The following C14orf119 variants were observed in gnomAD, a reference collection of about 807,000 sequenced individuals.
C14orf119 encodes the protein uncharacterized protein C14orf119.
Under a neutral mutation model 13.5 loss-of-function variants are expected in C14orf119, and 17 were observed. That is an observed-to-expected ratio of 1.26 (90% CI 0.86 to 1.88). The LOEUF is 1.88. C14orf119 is among the 40% of genes most tolerant of loss of function. The pLI, the probability that C14orf119 is intolerant of heterozygous loss-of-function variation, is 0.00. For synonymous variants in C14orf119, 61 were observed against 61.9 expected (o/e 0.99, Z 0.07); for missense variants, 162 against 165.9 (o/e 0.98, Z 0.13).
chr14:23,096,115 G>A (rs556841468), intron 1 of C14orf119, among the ~76,000 whole-genome samples: 2 of 152,284 alleles, frequency 1.3e-5, no homozygotes, highest in South Asian at 2.1e-4. Context: ...AGTAAAATAG[G>A]TCACAGACAA....
chr14:23,096,561 TAA>T (rs10583299), intron 1 of C14orf119, among the ~76,000 whole-genome samples: 5 of 119,404 alleles, frequency 4.2e-5, no homozygotes, highest in East Asian at 2.5e-4. Flanking sequence ...GATACCATAC[TAA>T]AAAAAAAAAA....
rs1241725022 is a variant in C14orf119 at position 23,098,195 on chromosome 14, G to A, written c.*114G>A. Reference sequence around the variant, plus strand: ...TCTGGAACTGGTATTCCAACCAGCTGACCGAACTCACTGACCAGTACAGGC... The same window carrying A: ...TCTGGAACTGGTATTCCAACCAGCTAACCGAACTCACTGACCAGTACAGGC... On this transcript the variant is annotated 3_prime_UTR_variant, in exon 2 of 2. Coordinates refer to ENST00000319074, the MANE Select transcript of C14orf119 (RefSeq NM_017924.4). The A allele has an allele frequency of 1.7e-6, 2 of 1,155,754 alleles. No homozygotes were observed. The highest frequency in any genetic ancestry group is 2.5e-6 in the Non-Finnish European group (2 of 808,374). The allele number at this position is 1,155,754 out of a possible 1,614,324, so 71.6% of individuals were successfully genotyped here.
rs909405676 is a variant in C14orf119 at position 23,100,429 on chromosome 14, G to GA, written c.*2349dup. On this transcript the variant is annotated 3_prime_UTR_variant, in exon 2 of 2. Transcript: ENST00000319074. ...TGTCTAGGACAATATACACGTGAGT[G>GA]AGTGCTTAATAAATTTAATTTCAAA... 7.3e-5 allele frequency: 30 copies of GA among 412,810 alleles called. No individual in the cohort carries two copies. Among genetic ancestry groups the GA allele is most frequent in the African/African-American group, 5.7e-4 (28 of 48,744 alleles). 25.6% of individuals were successfully genotyped at this position (412,810 alleles called of 1,614,324 possible).
rs191688888 is a variant in C14orf119 at position 23,099,416 on chromosome 14, G to A, written c.*1335G>A. 16 of 413,492 alleles carry A rather than the reference G, an allele frequency of 3.9e-5. No homozygotes were observed. The highest frequency in any genetic ancestry group is 6.6e-5 in the Non-Finnish European group (15 of 226,174). 25.6% of individuals were successfully genotyped at this position (413,492 alleles called of 1,614,324 possible). A position where few individuals can be genotyped will look rare whatever the true frequency, so the allele number is the denominator to read the frequency against. On this transcript the variant is annotated 3_prime_UTR_variant, in exon 2 of 2. Transcript: ENST00000319074. Reference sequence around the variant, plus strand: ...GTTCCCATTACACCCACCAGGATTAGCAGCATTAGGCAGAGTCCCATGGAC... The same window carrying A: ...GTTCCCATTACACCCACCAGGATTAACAGCATTAGGCAGAGTCCCATGGAC...
chr14:23,096,151 T>G (rs1336336627), intron 1 of C14orf119, among the ~76,000 whole-genome samples: 1 of 152,170 alleles, frequency 6.6e-6, no homozygotes, highest in Admixed American at 6.5e-5. Context: ...AAGAGATACG[T>G]TAGAGATTTA....
chr14:23,096,508 C>CAAAAAAAAAAAAA (rs61586635), intron 1 of C14orf119, among the ~76,000 whole-genome samples: 5 of 62,660 alleles, frequency 8.0e-5, no homozygotes, highest in Admixed American at 4.3e-4. Flanking sequence ...GACTCCGTCT[C>CAAAAAAAAAAAAA]AAAAAAAAAA....
rs1429329050 is a variant in C14orf119 at position 23,098,165 on chromosome 14, A to C, written c.*84A>C. 2.1e-6 allele frequency: 3 copies of C among 1,453,198 alleles called. No individual in the cohort carries two copies. The highest frequency in any genetic ancestry group is 2.8e-6 in the Non-Finnish European group (3 of 1,062,494). 90.0% of individuals were successfully genotyped at this position (1,453,198 alleles called of 1,614,324 possible). On this transcript the variant is annotated 3_prime_UTR_variant, in exon 2 of 2. Coordinates refer to ENST00000319074, the MANE Select transcript of C14orf119 (RefSeq NM_017924.4). Reference sequence around the variant, plus strand: ...ATAACTCAATTCAAATGTGTCGCCTAAAGCTCTGGAACTGGTATTCCAACC... The same window carrying C: ...ATAACTCAATTCAAATGTGTCGCCTCAAGCTCTGGAACTGGTATTCCAACC...
chr14:23,096,149 C>A (rs771184996), intron 1 of C14orf119, among the ~76,000 whole-genome samples: 2 of 152,206 alleles, frequency 1.3e-5, no homozygotes, highest in Non-Finnish European at 2.9e-5. Flanking sequence ...TTAAGAGATA[C>A]GTTAGAGATT....
At chr14:23,097,581 T>G in intron 1 of C14orf119, 77 bp from the exon 2 acceptor site, 1 of 1,318,488 alleles carries the variant, frequency 7.6e-7, no homozygotes, top group South Asian at 1.3e-5. Context: ...TTGAGTGTGG[T>G]AAGATGTCTT....
chr14:23,097,851 G>A lies in C14orf119; in HGVS notation c.193G>A (p.Ala65Thr). Residue 65 changes from alanine to threonine, a missense_variant, in exon 2 of 2, where the codon GCA (alanine) becomes ACA (threonine). Physicochemically the swap from Ala to Thr is moderately conservative, Grantham distance 58. Coordinates refer to ENST00000319074, the MANE Select transcript of C14orf119 (RefSeq NM_017924.4). Reference sequence around the variant, plus strand: ...TTTCCTAGAGGACCTGGTAGCTAAGGCAGTGCCAGAAAAATTACAACCACT... The same window carrying A: ...TTTCCTAGAGGACCTGGTAGCTAAGACAGTGCCAGAAAAATTACAACCACT... Reference protein sequence around the residue: ...ERFLEDLVAKAVPEKLQPLLD... With the variant: ...ERFLEDLVAKTVPEKLQPLLD... The A allele has an allele frequency of 1.9e-6, 3 of 1,614,238 alleles. No individual in the cohort carries two copies. Among genetic ancestry groups the A allele is most frequent in the Admixed American group, 1.7e-5 (1 of 60,028 alleles).
chr14:23,096,595 A>C, intron 1 of C14orf119, among the ~76,000 whole-genome samples: 3 of 140,304 alleles, frequency 2.1e-5, no homozygotes, highest in Non-Finnish European at 3.1e-5. Flanking sequence ...TTGTCACTCC[A>C]CTCTGGGTCC....
In C14orf119 at chr14:23,100,452, A is replaced by G. The variant is rs1270613114; in HGVS notation, c.*2371A>G. Reference sequence around the variant, plus strand: ...GTGAGTGCTTAATAAATTTAATTTCAAACATCCGGACTCCATGGATTTGAA... The same window carrying G: ...GTGAGTGCTTAATAAATTTAATTTCGAACATCCGGACTCCATGGATTTGAA... On this transcript the variant is annotated 3_prime_UTR_variant, in exon 2 of 2. Coordinates refer to ENST00000319074, the MANE Select transcript of C14orf119 (RefSeq NM_017924.4). The G allele has an allele frequency of 4.8e-6, 2 of 413,224 alleles. No homozygotes were observed. The highest frequency in any genetic ancestry group is 8.8e-6 in the Non-Finnish European group (2 of 226,152). 25.6% of individuals were successfully genotyped at this position (413,224 alleles called of 1,614,324 possible).
chr14:23,098,065 C>T lies in C14orf119; in HGVS notation c.407C>T (p.Thr136Ile). 2 of 1,613,828 alleles carry T rather than the reference C, an allele frequency of 1.2e-6. No homozygotes were observed. The highest frequency in any genetic ancestry group is 1.7e-6 in the Non-Finnish European group (2 of 1,179,956). The change falls in exon 2 of 2, where the codon ACA becomes ATA. Residue 136 changes from threonine to isoleucine, a missense_variant. By Grantham distance (89) the Thr-to-Ile change is moderately conservative. Transcript: ENST00000319074. Reference sequence around the variant, plus strand: ...AAGTTTTACCAAGCAGTGGCTGCTACAGCTGGTAAGGACTGATAGGCATTC... The same window carrying T: ...AAGTTTTACCAAGCAGTGGCTGCTATAGCTGGTAAGGACTGATAGGCATTC... ...VAKFYQAVAA[T>I]AGKD
At position 23,100,356 on chromosome 14, in the gene C14orf119, G is replaced by A. The variant is rs1228751001; in HGVS notation, c.*2275G>A. The stretch of plus-strand genomic sequence containing the variant: ...TGGGAGGAGGGAGTCAGGTAGTGAC[G>A]GGACTGGATGATCGTGTTAGGGATC... On this transcript the variant is annotated 3_prime_UTR_variant, in exon 2 of 2. Coordinates refer to ENST00000319074, the MANE Select transcript of C14orf119 (RefSeq NM_017924.4). 4 of 410,782 alleles carry A rather than the reference G, an allele frequency of 9.7e-6. No homozygotes were observed. The highest frequency in any genetic ancestry group is 7.1e-5 in the East Asian group (2 of 27,986). 25.4% of individuals were successfully genotyped at this position (410,782 alleles called of 1,614,324 possible). A position where few individuals can be genotyped will look rare whatever the true frequency, so the allele number is the denominator to read the frequency against.
intron 1 of C14orf119, 109 bp from the exon 2 acceptor site, chr14:23,097,549 T>C: frequency 1.0e-6 from 1 of 983,774 alleles, no homozygotes; most frequent in Non-Finnish European, 1.5e-6. Flanking sequence ...TCATAAAAAG[T>C]AATTTTCTCT....
Position 23,096,561 on chromosome 14 carries a change from TA to T in C14orf119, c.-2+957del, listed in dbSNP as rs10583299. Among the ~76,000 whole-genome samples, 875 of 119,346 alleles carry T rather than the reference TA, an allele frequency of 7.3e-3. 10 individuals are homozygous for T. Among genetic ancestry groups the T allele is most frequent in the African/African-American group, 0.018 (582 of 31,554 alleles). 78.3% of individuals were successfully genotyped at this position (119,346 alleles called of 152,430 possible). A position where few individuals can be genotyped will look rare whatever the true frequency, so the allele number is the denominator to read the frequency against. The stretch of plus-strand genomic sequence containing the variant: ...TGCAAGGCACCAATAGATACCATAC[TA>T]AAAAAAAAAAAAAATTTTTTTTTTG... On this transcript the variant is annotated intron_variant, in intron 1 of 1. Transcript: ENST00000319074.
Position 23,098,708 on chromosome 14 carries a change from G to C in C14orf119, c.*627G>C, listed in dbSNP as rs2048406065. ...GGTTGTCACTTAAGTTTGGAGTGCAGTGGCATGATCATCAGTGAGCGTGAG... is the reference window on the plus strand; with the variant it reads ...GGTTGTCACTTAAGTTTGGAGTGCACTGGCATGATCATCAGTGAGCGTGAG... On this transcript the variant is annotated 3_prime_UTR_variant, in exon 2 of 2. Coordinates refer to ENST00000319074, the MANE Select transcript of C14orf119 (RefSeq NM_017924.4). The C allele has an allele frequency of 6.0e-6, 1 of 167,898 alleles. No individual in the cohort carries two copies. The highest frequency in any genetic ancestry group is 1.4e-5 in the Non-Finnish European group (1 of 69,176). 10.4% of individuals were successfully genotyped at this position (167,898 alleles called of 1,614,324 possible).
chr14:23,095,693 C>G (rs2048359073), intron 1 of C14orf119, 74 bp downstream of exon 1: 1 of 177,596 alleles, frequency 5.6e-6, no homozygotes, highest in Non-Finnish European at 1.2e-5. Context: ...AGGGCAAGCC[C>G]CCCACTCCTT....
At position 23,097,890 on chromosome 14, in the gene C14orf119, G is replaced by A. The variant is rs534142468; in HGVS notation, c.232G>A (p.Glu78Lys). 9.9e-6 allele frequency: 16 copies of A among 1,614,160 alleles called. No individual in the cohort carries two copies. The East Asian group carries it at 2.7e-4, about 27-fold the overall frequency. The change falls in exon 2 of 2, where the codon GAG becomes AAG. Residue 78 changes from glutamate to lysine, a missense_variant. Physicochemically the swap from Glu to Lys is moderately conservative, Grantham distance 56. Transcript: ENST00000319074. ...EKLQPLLDSL[E>K]QLSVSGADRP... ...ATTACAACCACTGCTGGATAGTCTG[G>A]AGCAGCTTAGTGTGTCTGGGGCAGA...
Sources: allele counts gnomAD v4.1 joint callset (sites outside exome capture counted in the v4.1 genomes callset), GRCh38; gene constraint gnomAD v4.1.1; transcripts MANE v1.5; gene names NCBI Gene and HGNC (gene_info 2026-07-23, HGNC 2026-07-21).